MOB3B: variants seen among roughly 807,000 people sequenced by gnomAD.
The protein encoded by MOB3B is MOB kinase activator 3B, also known as MOB kinase activator-like 2B.
MOB3B carries 7 observed loss-of-function variants against 18.7 expected under a neutral mutation model. That is an observed-to-expected ratio of 0.37 (90% CI 0.21 to 0.70). MOB3B has a LOEUF of 0.70. Among genes scored for constraint, MOB3B ranks in the 30% least tolerant of loss-of-function variants. MOB3B has a pLI of 0.52. For synonymous variants in MOB3B, 111 were observed against 99.9 expected, an observed-to-expected ratio of 1.11 and a Z score of -0.66; for missense variants, 253 against 281.3, an observed-to-expected ratio of 0.90 and a Z score of 0.72.
chr9:27,366,100 C>G (rs117129754), intron 2 of MOB3B, among the ~76,000 whole-genome samples: 404 of 152,236 alleles, frequency 2.7e-3, no homozygotes, highest in Non-Finnish European at 4.8e-3. Context: ...CCTGGAGTCT[C>G]TCTTGAAGGC....
intron 1 of MOB3B, among the ~76,000 whole-genome samples, chr9:27,513,437 T>C (rs1820176173): frequency 6.6e-6 from 1 of 152,170 alleles, no homozygotes; most frequent in Non-Finnish European, 1.5e-5. Context: ...TACCACTCTC[T>C]TGTTTGAAAC....
At chr9:27,392,448 T>C (rs1404736381) in intron 2 of MOB3B, among the ~76,000 whole-genome samples, 2 of 152,112 alleles carry the variant, frequency 1.3e-5, no homozygotes, top group Non-Finnish European at 2.9e-5. Context: ...ATTTTAAAAA[T>C]TGGGCAAGGG....
At chr9:27,415,402 A>G (rs1234026523) in intron 2 of MOB3B, among the ~76,000 whole-genome samples, 1 of 147,380 alleles carries the variant, frequency 6.8e-6, no homozygotes, top group Non-Finnish European at 1.5e-5. Context: ...GGTGAATGAT[A>G]TATGGGAACT....
chr9:27,344,514 C>A (rs1361002012), intron 3 of MOB3B, among the ~76,000 whole-genome samples: 3 of 152,200 alleles, frequency 2.0e-5, no homozygotes, highest in Admixed American at 6.6e-5. Flanking sequence ...AAAAAACACA[C>A]CCACTGAGCA....
chr9:27,386,186 G>T lies in MOB3B; in HGVS notation c.419-26950C>A, dbSNP rs1000979653. ...CTTGCTGCCTCATTTGTGACTTTGGGCAGCCGACTTCTCTTTTTAAGCCTG... is the reference window on the plus strand; with the variant it reads ...CTTGCTGCCTCATTTGTGACTTTGGTCAGCCGACTTCTCTTTTTAAGCCTG... On this transcript the variant is annotated intron_variant, in intron 2 of 3. Coordinates refer to ENST00000262244, the MANE Select transcript of MOB3B (RefSeq NM_024761.5). Among the ~76,000 whole-genome samples the T allele has an allele frequency of 3.3e-5, 5 of 152,344 alleles. 1 individual carries two copies. In the South Asian group the frequency reaches 8.3e-4, roughly 25 times the overall value.
chr9:27,375,629 A>G (rs1366524183), intron 2 of MOB3B, among the ~76,000 whole-genome samples: 1 of 152,112 alleles, frequency 6.6e-6, no homozygotes, highest in Non-Finnish European at 1.5e-5. Flanking sequence ...AGAGGAGAGG[A>G]CAAAAGCCCC....
chr9:27,349,615 G>A (rs945898330), intron 3 of MOB3B, among the ~76,000 whole-genome samples: 1 of 152,128 alleles, frequency 6.6e-6, no homozygotes, highest in Non-Finnish European at 1.5e-5. Context: ...ACATCCTGCA[G>A]CAATTTCCAA....
intron 3 of MOB3B, among the ~76,000 whole-genome samples, chr9:27,357,888 CAAAAAAAAAAAAAAAAAAAAA>C (rs58851638): frequency 5.5e-4 from 32 of 57,966 alleles, no homozygotes; most frequent in Middle Eastern, 0.023. Context: ...CCCATCGCTA[CAAAAAAAAAAAAAAAAAAAAA>C]AAAAAAAAAA....
rs1024099940 is a variant in MOB3B, at chr9:27,512,833, G to C, written c.-199+16722C>G. On this transcript the variant is annotated intron_variant, in intron 1 of 3. Transcript: ENST00000262244. ...TTATGATTTGACTGTAGTTATCCAT[G>C]GTTTAAATCAATCATGAAAAACATT... Among the ~76,000 whole-genome samples, 4 of 151,976 alleles carry C rather than the reference G, an allele frequency of 2.6e-5. No homozygotes were observed. The East Asian group carries it at 7.7e-4, about 29-fold the overall frequency.
chr9:27,403,148 T>C (rs1418705241), intron 2 of MOB3B, among the ~76,000 whole-genome samples: 1 of 152,038 alleles, frequency 6.6e-6, no homozygotes, highest in Non-Finnish European at 1.5e-5. Context: ...CTGGGCTGGA[T>C]TGATCAAGAA....
At chr9:27,400,001 C>T (rs1248416940) in intron 2 of MOB3B, among the ~76,000 whole-genome samples, 2 of 152,252 alleles carry the variant, frequency 1.3e-5, no homozygotes, top group East Asian at 3.9e-4. Context: ...ATCCCACAGC[C>T]CCTGCCTTAA....
chr9:27,382,952 C>T (rs1821600081), intron 2 of MOB3B, among the ~76,000 whole-genome samples: 1 of 152,022 alleles, frequency 6.6e-6, no homozygotes, highest in Non-Finnish European at 1.5e-5. Flanking sequence ...ATAAAACTAA[C>T]AAGCAAGAAG....
At chr9:27,348,021 AG>A (rs1285775455) in intron 3 of MOB3B, among the ~76,000 whole-genome samples, 1 of 152,220 alleles carries the variant, frequency 6.6e-6, no homozygotes. Context: ...TAGAAAGACC[AG>A]GTTTCTGGAG....
chr9:27,429,365 G>A (rs1426478178), intron 2 of MOB3B, among the ~76,000 whole-genome samples: 1 of 152,164 alleles, frequency 6.6e-6, no homozygotes, highest in African/African-American at 2.4e-5. Context: ...AGTATATGCA[G>A]AATGAGCAAT....
At chr9:27,459,096 A>G (rs1819238233) in intron 1 of MOB3B, among the ~76,000 whole-genome samples, 1 of 151,860 alleles carries the variant, frequency 6.6e-6, no homozygotes. Context: ...ACAAAGAGGC[A>G]CCCATCTGTG....
intron 1 of MOB3B, among the ~76,000 whole-genome samples, chr9:27,522,260 A>G (rs1475103805): frequency 7.6e-5 from 11 of 145,134 alleles, no homozygotes; most frequent in African/African-American, 2.0e-4. Flanking sequence ...AAAAAAAAAA[A>G]AAAAAAGAAA....
intron 2 of MOB3B, among the ~76,000 whole-genome samples, chr9:27,386,575 G>A (rs1297554739): frequency 6.6e-6 from 1 of 152,214 alleles, no homozygotes; most frequent in Non-Finnish European, 1.5e-5. Flanking sequence ...TTCACCAGAT[G>A]GAAGCGCTTT....
At chr9:27,483,723 C>T (rs1819696780) in intron 1 of MOB3B, among the ~76,000 whole-genome samples, 1 of 152,076 alleles carries the variant, frequency 6.6e-6, no homozygotes, top group Admixed American at 6.5e-5. Flanking sequence ...GTTTGGTATG[C>T]TCGTGGGCAG....
intron 2 of MOB3B, among the ~76,000 whole-genome samples, chr9:27,372,609 T>C (rs1169369090): frequency 6.6e-6 from 1 of 152,188 alleles, no homozygotes; most frequent in Non-Finnish European, 1.5e-5. Flanking sequence ...GATAAGTCGC[T>C]TCACTTCTGT....
Sources: gnomAD v4.1 joint callset for allele counts (sites outside exome capture counted in the v4.1 genomes callset) on GRCh38, gnomAD v4.1.1 for gene constraint, MANE v1.5 for transcripts, NCBI Gene and HGNC (gene_info 2026-07-23, HGNC 2026-07-21) for gene names.